The following ASCC1 variants were observed in gnomAD, a reference collection of about 807,000 sequenced individuals.
ASCC1 encodes the protein ASC-1 complex subunit P50.
A neutral mutation model predicts 46.6 loss-of-function variants in ASCC1; 35 were observed. That is an observed-to-expected ratio of 0.75 (90% CI 0.57 to 0.99). ASCC1 has a LOEUF of 0.99. Ranked by LOEUF, ASCC1 falls within the 50% of genes least tolerant of loss-of-function variation. The probability of loss-of-function intolerance (pLI) is 0.00; values close to 1 mark genes in which losing one functional copy is unlikely to be tolerated. For synonymous variants in ASCC1, 143 were observed against 146.6 expected, an observed-to-expected ratio of 0.98 and a Z score of 0.18; for missense variants, 376 against 428.7, an observed-to-expected ratio of 0.88 and a Z score of 1.09.
chr10:72,121,282 T>C (rs917158811), intron 9 of ASCC1, among the ~76,000 whole-genome samples: 1 of 152,168 alleles, frequency 6.6e-6, no homozygotes, highest in South Asian at 2.1e-4. Context: ...TAGCTGGGAC[T>C]ACAGGCGTGC....
In ASCC1 at chr10:72,213,213, TC is replaced by T; in HGVS notation, c.85del (p.Glu29LysfsTer35). 6.2e-7 allele frequency: 1 copy of T among 1,613,514 alleles called. No homozygotes were observed. The highest frequency in any genetic ancestry group is 8.5e-7 in the Non-Finnish European group (1 of 1,179,528). ...NPVQEQTYQH[E>X]EDEEDFYQGS... Reference sequence around the variant, plus strand: ...TTGATAGAAGTCCTCTTCATCTTCTTCATGTTGATAGGTCTGTTCTTGGACT... The same window carrying T: ...TTGATAGAAGTCCTCTTCATCTTCTTATGTTGATAGGTCTGTTCTTGGACT... On this transcript the variant is annotated frameshift_variant, in exon 2 of 10. Coordinates refer to ENST00000672957, the MANE Select transcript of ASCC1 (RefSeq NM_001198800.3). LOFTEE classifies it high-confidence loss of function.
intron 6 of ASCC1, among the ~76,000 whole-genome samples, chr10:72,160,481 A>T (rs1849512209): frequency 6.6e-6 from 1 of 152,186 alleles, no homozygotes; most frequent in African/African-American, 2.4e-5. Flanking sequence ...TTAAAATTTT[A>T]CAGTAAAAAA....
Position 72,128,064 on chromosome 10 carries a change from A to C in ASCC1, c.957+18T>G. On this transcript the variant is annotated intron_variant, in intron 9 of 9. Transcript: ENST00000672957. ...ACATGTGCCAAAGGATTTCCAATTC[A>C]CTCTGCTTCATACTGACCTTTAAAA... 1 of 1,596,426 alleles carries C rather than the reference A, an allele frequency of 6.3e-7. No individual in the cohort carries two copies. Among genetic ancestry groups the C allele is most frequent in the Non-Finnish European group, 8.6e-7 (1 of 1,164,070 alleles).
intron 4 of ASCC1, among the ~76,000 whole-genome samples, chr10:72,201,026 A>T (rs542492422): frequency 7.7e-4 from 118 of 152,334 alleles, no homozygotes; most frequent in Non-Finnish European, 1.4e-3. Context: ...AGTACCTGAC[A>T]CGTGCGGCTC....
At chr10:72,136,529 C>G (rs1159419189) in intron 7 of ASCC1, among the ~76,000 whole-genome samples, 3 of 152,178 alleles carry the variant, frequency 2.0e-5, no homozygotes, top group Admixed American at 1.3e-4. Context: ...ATGCACCCAT[C>G]AGCACTCTGT....
intron 5 of ASCC1, among the ~76,000 whole-genome samples, chr10:72,195,775 A>G (rs113944973): frequency 0.14 from 20,688 of 151,352 alleles, 4,051 homozygotes; most frequent in African/African-American, 0.43. Flanking sequence ...CAGAGGTTGC[A>G]GTGAGCCAAG....
chr10:72,114,942 A>G (rs963831116), intron 9 of ASCC1, among the ~76,000 whole-genome samples: 1 of 152,218 alleles, frequency 6.6e-6, no homozygotes, highest in South Asian at 2.1e-4. Context: ...GTGTTTCAAC[A>G]AAGTTTTACT....
At chr10:72,099,110 G>A (rs1451104571) in intron 9 of ASCC1, among the ~76,000 whole-genome samples, 1 of 152,128 alleles carries the variant, frequency 6.6e-6, no homozygotes, top group Non-Finnish European at 1.5e-5. Flanking sequence ...ACTTTTTAAG[G>A]ATTGGCAGCC....
intron 2 of ASCC1, 53 bp from the exon 3 acceptor site, chr10:72,210,884 C>T: frequency 6.4e-7 from 1 of 1,561,800 alleles, no homozygotes; most frequent in Non-Finnish European, 8.8e-7. Flanking sequence ...CTGTGGACAA[C>T]AGCTTTCGCC....
chr10:72,131,817 A>C (rs1845639182), intron 8 of ASCC1, among the ~76,000 whole-genome samples: 1 of 151,964 alleles, frequency 6.6e-6, no homozygotes, highest in African/African-American at 2.4e-5. Flanking sequence ...CTAACTAAAA[A>C]CCTACAAATA....
At chr10:72,178,339 T>C (rs1342808485) in intron 5 of ASCC1, among the ~76,000 whole-genome samples, 1 of 152,140 alleles carries the variant, frequency 6.6e-6, no homozygotes, top group Non-Finnish European at 1.5e-5. Context: ...TCCTACAAAT[T>C]ATATTATGTT....
chr10:72,113,752 T>A (rs1268833088), intron 9 of ASCC1, among the ~76,000 whole-genome samples: 2 of 152,236 alleles, frequency 1.3e-5, no homozygotes, highest in African/African-American at 4.8e-5. Context: ...GTCTTTCAGA[T>A]CCTTTAAAAC....
chr10:72,209,534 G>A (rs545490235), intron 3 of ASCC1, among the ~76,000 whole-genome samples: 110 of 151,798 alleles, frequency 7.2e-4, no homozygotes, highest in Middle Eastern at 3.2e-3. Context: ...CTATAATTCC[G>A]GCACTTTGGG....
intron 3 of ASCC1, among the ~76,000 whole-genome samples, chr10:72,208,658 G>A (rs375706460): frequency 2.0e-5 from 3 of 152,218 alleles, no homozygotes; most frequent in East Asian, 3.9e-4. Flanking sequence ...TACTCAGGAA[G>A]CTGATGCAAG....
chr10:72,204,179 G>A (rs998494454), intron 3 of ASCC1, among the ~76,000 whole-genome samples: 39 of 152,190 alleles, frequency 2.6e-4, no homozygotes, highest in African/African-American at 9.7e-5. Context: ...AACCCGGGAG[G>A]TGGAGGTTGC....
chr10:72,146,941 A>G (rs959605253), intron 7 of ASCC1, among the ~76,000 whole-genome samples: 4 of 151,982 alleles, frequency 2.6e-5, no homozygotes, highest in South Asian at 2.1e-4. Flanking sequence ...ATAAAGAAAA[A>G]GATTGAATGG....
rs986239301 is a variant in ASCC1, at chr10:72,173,130, A to G, written c.490-11456T>C. Among the ~76,000 whole-genome samples the G allele has an allele frequency of 2.6e-5, 4 of 151,402 alleles. No homozygotes were observed. In the South Asian group the frequency reaches 6.2e-4, roughly 24 times the overall value. On this transcript the variant is annotated intron_variant, in intron 5 of 9. Coordinates refer to ENST00000672957, the MANE Select transcript of ASCC1 (RefSeq NM_001198800.3). ...AGCCAGACTCAATTCTAAAGGCCTG[A>G]AAGTGCACACAAGTACCTTTCTAGA...
At chr10:72,141,264 A>T (rs1179671265) in intron 7 of ASCC1, among the ~76,000 whole-genome samples, 1 of 152,160 alleles carries the variant, frequency 6.6e-6, no homozygotes, top group Non-Finnish European at 1.5e-5. Context: ...GTCAGTATAC[A>T]AATTGCTTTG....
intron 7 of ASCC1, among the ~76,000 whole-genome samples, chr10:72,144,847 G>T (rs1847447838): frequency 6.6e-6 from 1 of 151,908 alleles, no homozygotes; most frequent in African/African-American, 2.4e-5. Context: ...ATTTTATACA[G>T]ACTATTTTAT....
Sources: allele counts gnomAD v4.1 joint callset (sites outside exome capture counted in the v4.1 genomes callset), GRCh38; gene constraint gnomAD v4.1.1; transcripts MANE v1.5; gene names NCBI Gene and HGNC (gene_info 2026-07-23, HGNC 2026-07-21).